Variants in TSPAN14 observed in about 807,000 individuals in gnomAD.
TSPAN14 encodes the protein tetraspanin-14.
TSPAN14 carries 16 observed loss-of-function variants against 36.6 expected under a neutral mutation model. That is an observed-to-expected ratio of 0.44 (90% CI 0.30 to 0.66). TSPAN14 has a LOEUF of 0.66. Among genes scored for constraint, TSPAN14 ranks in the 30% least tolerant of loss-of-function variants. The probability of loss-of-function intolerance (pLI) is 0.12; values close to 1 mark genes in which losing one functional copy is unlikely to be tolerated. For missense variants in TSPAN14, 231 were observed against 355.1 expected, an observed-to-expected ratio of 0.65 and a Z score of 2.81; for synonymous variants, 139 against 143.8, an observed-to-expected ratio of 0.97 and a Z score of 0.24.
intron 8 of TSPAN14, among the ~76,000 whole-genome samples, chr10:80,516,699 G>T (rs1230332920): frequency 6.6e-6 from 1 of 152,200 alleles, no homozygotes; most frequent in African/African-American, 2.4e-5. Context: ...CTGCAGATGG[G>T]GAGGTGAAAC....
At chr10:80,471,380 T>C (rs576526782) in intron 1 of TSPAN14, among the ~76,000 whole-genome samples, 7 of 152,284 alleles carry the variant, frequency 4.6e-5, no homozygotes, top group African/African-American at 1.7e-4. Flanking sequence ...AGCCCAGTCC[T>C]CCTGAGGTCT....
chr10:80,463,488 C>T (rs886955682), intron 1 of TSPAN14, among the ~76,000 whole-genome samples: 1 of 152,196 alleles, frequency 6.6e-6, no homozygotes, highest in Non-Finnish European at 1.5e-5. Context: ...CAGTGGTATA[C>T]TAATTATGCT....
At chr10:80,510,567 C>CT (rs1427801517) in intron 5 of TSPAN14, among the ~76,000 whole-genome samples, 1 of 152,152 alleles carries the variant, frequency 6.6e-6, no homozygotes, top group East Asian at 1.9e-4. Context: ...GCATTGACTT[C>CT]TTTTTCTTTT....
chr10:80,470,726 A>G (rs1846499198), intron 1 of TSPAN14, among the ~76,000 whole-genome samples: 1 of 152,204 alleles, frequency 6.6e-6, no homozygotes, highest in Admixed American at 6.5e-5. Flanking sequence ...TCTCCCCAAG[A>G]ATGGGCCACT....
At chr10:80,471,793 G>A (rs1400900115) in intron 1 of TSPAN14, among the ~76,000 whole-genome samples, 1 of 152,178 alleles carries the variant, frequency 6.6e-6, no homozygotes, top group East Asian at 1.9e-4. Flanking sequence ...GCAGGTGTGG[G>A]TGACCAGGCC....
exon 9 of TSPAN14, chr10:80,519,746 T>A (rs1293700528): frequency 6.6e-6 from 1 of 152,376 alleles, no homozygotes; most frequent in Non-Finnish European, 1.5e-5. Context: ...TACAGAAGGA[T>A]GGATGGTAAA....
intron 4 of TSPAN14, among the ~76,000 whole-genome samples, chr10:80,507,641 C>A (rs1476271978): frequency 1.3e-5 from 2 of 152,214 alleles, no homozygotes; most frequent in Non-Finnish European, 2.9e-5. Context: ...CGCTCCTTTG[C>A]CTTTTATCTT....
rs747168495 is a variant in TSPAN14, at chr10:80,509,410, ACAT to A, written c.392_394del (p.Ile131del). On this transcript the variant is annotated inframe_deletion, in exon 5 of 9. Transcript: ENST00000429989. This position sits in a 1 kb window ranked among gnomAD's most constrained non-coding sequence, Gnocchi z 4.7. Reference sequence around the variant, plus strand: ...CGGTTCCGGGAGTTCTTCGAGAGCAACATCAAGTCCTACCGGGACGATATCGAT... The same window carrying A: ...CGGTTCCGGGAGTTCTTCGAGAGCAACAAGTCCTACCGGGACGATATCGAT... 1 of 1,614,144 alleles carries A rather than the reference ACAT, an allele frequency of 6.2e-7. No homozygotes were observed. Among genetic ancestry groups the A allele is most frequent in the Non-Finnish European group, 8.5e-7 (1 of 1,180,032 alleles).
exon 9 of TSPAN14, chr10:80,519,527 T>TTTTTTA (rs1554870556): frequency 3.3e-5 from 5 of 152,106 alleles, no homozygotes; most frequent in African/African-American, 1.2e-4. Context: ...TTTTTTTTTT[T>TTTTTTA]ACACAATTCT....
chr10:80,488,585 G>C (rs1295661503), intron 1 of TSPAN14, among the ~76,000 whole-genome samples: 1 of 152,148 alleles, frequency 6.6e-6, no homozygotes, highest in East Asian at 1.9e-4. Context: ...GGCTGCAGTG[G>C]CCTTCCTCAC....
intron 1 of TSPAN14, among the ~76,000 whole-genome samples, chr10:80,474,802 G>T (rs1246675498): frequency 6.6e-6 from 1 of 152,108 alleles, no homozygotes; most frequent in Non-Finnish European, 1.5e-5. Context: ...TTTCTCCACT[G>T]TCATGTCATC....
chr10:80,474,454 A>G (rs1197652982), intron 1 of TSPAN14, among the ~76,000 whole-genome samples: 9 of 146,962 alleles, frequency 6.1e-5, no homozygotes, highest in African/African-American at 2.3e-4. Context: ...TGCCCTCAGG[A>G]CGGGAGGGGA....
At chr10:80,486,997 G>T (rs1390187419) in intron 1 of TSPAN14, among the ~76,000 whole-genome samples, 1 of 152,172 alleles carries the variant, frequency 6.6e-6, no homozygotes, top group African/African-American at 2.4e-5. Flanking sequence ...CCTGGCAGGA[G>T]GATTGCTTAA....
chr10:80,476,110 G>A lies in TSPAN14; in HGVS notation c.-17-13107G>A, dbSNP rs182654460. On this transcript the variant is annotated intron_variant, in intron 1 of 8. Coordinates refer to ENST00000429989, the Ensembl canonical transcript of TSPAN14. ...AGGCTGGCTGGGTGCGGGGGCTCAC[G>A]CTTATAATACAAGCATGTTGGGAGG... 2.0e-3 allele frequency among the ~76,000 whole-genome samples: 299 copies of A among 152,242 alleles called. 1 individual carries two copies. Among genetic ancestry groups the A allele is most frequent in the African/African-American group, 6.8e-3 (284 of 41,550 alleles).
intron 1 of TSPAN14, among the ~76,000 whole-genome samples, chr10:80,454,933 C>T (rs1845668816): frequency 6.6e-6 from 1 of 152,224 alleles, no homozygotes; most frequent in Non-Finnish European, 1.5e-5. Flanking sequence ...CCGTGGGTCC[C>T]ACTCTGCCCG....
chr10:80,495,369 GTGTGTGTGTA>G (rs879424820), intron 2 of TSPAN14, among the ~76,000 whole-genome samples: 5,321 of 39,536 alleles, frequency 0.13, 207 homozygotes, highest in African/African-American at 0.26. Context: ...GTGTGTGTGT[GTGTGTGTGTA>G]TGTACATGTG....
intron 1 of TSPAN14, among the ~76,000 whole-genome samples, chr10:80,461,537 C>T (rs1845968301): frequency 6.6e-6 from 1 of 152,046 alleles, no homozygotes; most frequent in Non-Finnish European, 1.5e-5. Flanking sequence ...GGGATTCATT[C>T]CCAAGGGCTC....
At chr10:80,497,146 G>A (rs1165443755) in intron 2 of TSPAN14, among the ~76,000 whole-genome samples, 1 of 152,090 alleles carries the variant, frequency 6.6e-6, no homozygotes, top group African/African-American at 2.4e-5. Context: ...TTCTTGTTGT[G>A]TAATATTCTA....
intron 1 of TSPAN14, among the ~76,000 whole-genome samples, chr10:80,467,583 T>C (rs1213589491): frequency 1.3e-5 from 2 of 152,212 alleles, no homozygotes; most frequent in Admixed American, 6.5e-5. Flanking sequence ...TCTATTAATC[T>C]AACTCCACTA....
Sources: allele counts gnomAD v4.1 joint callset (sites outside exome capture counted in the v4.1 genomes callset), GRCh38; gene constraint gnomAD v4.1.1; non-coding constraint Gnocchi (gnomAD v3.1); transcripts MANE v1.5; gene names NCBI Gene and HGNC (gene_info 2026-07-23, HGNC 2026-07-21).